MALRD1: variants seen among roughly 807,000 people sequenced by gnomAD.
MALRD1 encodes the protein MAM and LDL-receptor class A domain-containing protein 1.
MALRD1 carries 247 observed loss-of-function variants against 242.1 expected under a neutral mutation model. The ratio of observed to expected loss-of-function variants is 1.02; its 90% CI spans 0.92 to 1.13. MALRD1 has a LOEUF of 1.13. Ranked by LOEUF, MALRD1 falls within the 50% of genes most tolerant of loss-of-function variation. MALRD1 has a pLI of 0.00. For missense variants in MALRD1, 2,989 were observed against 2,533.1 expected, an observed-to-expected ratio of 1.18 and a Z score of -3.86; for synonymous variants, 995 against 866.6, an observed-to-expected ratio of 1.15 and a Z score of -2.60.
intron 2 of MALRD1, among the ~76,000 whole-genome samples, chr10:19,067,386 G>A (rs1403538301): frequency 4.6e-5 from 7 of 152,038 alleles, no homozygotes; most frequent in Admixed American, 1.3e-4. Context: ...ATTGCGTACC[G>A]GGTGTTTAAG....
intron 26 of MALRD1, among the ~76,000 whole-genome samples, chr10:19,360,550 A>G (rs891731337): frequency 1.3e-5 from 2 of 152,052 alleles, no homozygotes; most frequent in African/African-American, 4.8e-5. Flanking sequence ...TGATAACTAT[A>G]TTTTACCTAT....
intron 1 of MALRD1, among the ~76,000 whole-genome samples, chr10:19,066,014 A>G (rs1054694233): frequency 5.3e-5 from 8 of 152,072 alleles, no homozygotes; most frequent in Admixed American, 1.3e-4. Flanking sequence ...GGTACCTAAG[A>G]GTTGTAAGGT....
chr10:19,304,578 A>G (rs989693170), intron 21 of MALRD1, among the ~76,000 whole-genome samples: 1 of 151,794 alleles, frequency 6.6e-6, no homozygotes, highest in Non-Finnish European at 1.5e-5. Context: ...ATCAATGTCA[A>G]CAAAACATTC....
At chr10:19,368,271 T>TAAA (rs1845192483) in intron 26 of MALRD1, among the ~76,000 whole-genome samples, 1 of 152,082 alleles carries the variant, frequency 6.6e-6, no homozygotes, top group Non-Finnish European at 1.5e-5. Context: ...AAATTAGGTC[T>TAAA]TTGATCAATT....
chr10:19,334,626 T>G (rs765047306), intron 24 of MALRD1, among the ~76,000 whole-genome samples: 66 of 152,196 alleles, frequency 4.3e-4, no homozygotes, highest in Non-Finnish European at 6.2e-4. Context: ...TGACTATATA[T>G]TCCTTCAATT....
At chr10:19,148,773 T>TAAAAA (rs1174673634) in intron 11 of MALRD1, among the ~76,000 whole-genome samples, 65 of 114,422 alleles carry the variant, frequency 5.7e-4, no homozygotes, top group Non-Finnish European at 9.6e-4. Context: ...AAGGGCCAAT[T>TAAAAA]AAAAAAAAAA....
intron 29 of MALRD1, among the ~76,000 whole-genome samples, chr10:19,474,799 A>G (rs1241636366): frequency 3.3e-5 from 5 of 152,254 alleles, no homozygotes; most frequent in Non-Finnish European, 4.4e-5. Context: ...TCAACTTTAT[A>G]TATTTTATTT....
chr10:19,115,121 C>T (rs1836824528), intron 5 of MALRD1, among the ~76,000 whole-genome samples: 1 of 152,182 alleles, frequency 6.6e-6, no homozygotes, highest in Non-Finnish European at 1.5e-5. Context: ...GAAACAGCTT[C>T]TATGTTCTAG....
At position 19,378,425 on chromosome 10, in the gene MALRD1, G is replaced by C. The variant is rs755492707; in HGVS notation, c.4442-9103G>C. The stretch of plus-strand genomic sequence containing the variant: ...TCCAGATTCAGTCAGCATCTTTTTG[G>C]TGGCCATGGAAAGAAGTATTAATCT... On this transcript the variant is annotated intron_variant, in intron 26 of 39. Transcript: ENST00000454679. Among the ~76,000 whole-genome samples, 3 of 152,024 alleles carry C rather than the reference G, an allele frequency of 2.0e-5. No individual in the cohort carries two copies. The South Asian group carries it at 6.2e-4, about 32-fold the overall frequency.
chr10:19,675,467 G>T (rs545363792), intron 36 of MALRD1, among the ~76,000 whole-genome samples: 1 of 152,232 alleles, frequency 6.6e-6, no homozygotes, highest in South Asian at 2.1e-4. Context: ...CTCAAAGTGT[G>T]TACCCCAGAC....
intron 10 of MALRD1, among the ~76,000 whole-genome samples, chr10:19,139,953 A>G (rs77383755): frequency 0.021 from 3,204 of 152,304 alleles, 46 homozygotes; most frequent in Middle Eastern, 0.044. Context: ...AAAAATTGAT[A>G]AAAACTAAAG....
intron 36 of MALRD1, among the ~76,000 whole-genome samples, chr10:19,687,468 A>C (rs1272075425): frequency 6.6e-6 from 1 of 152,100 alleles, no homozygotes; most frequent in Non-Finnish European, 1.5e-5. Flanking sequence ...TGCCTAAAAT[A>C]TCCCCACTTG....
chr10:19,489,460 G>T, intron 29 of MALRD1: 1 of 581,874 alleles, frequency 1.7e-6, no homozygotes, highest in Non-Finnish European at 3.2e-6. Flanking sequence ...CAATCCAGGG[G>T]AATATTTTTA....
chr10:19,586,442 A>G (rs1837406746), intron 33 of MALRD1, among the ~76,000 whole-genome samples: 1 of 151,990 alleles, frequency 6.6e-6, no homozygotes, highest in Non-Finnish European at 1.5e-5. Flanking sequence ...TTTCCTTCTA[A>G]CGGACAGGAC....
At chr10:19,061,732 CA>C (rs1156395498) in intron 1 of MALRD1, among the ~76,000 whole-genome samples, 5 of 152,102 alleles carry the variant, frequency 3.3e-5, no homozygotes, top group Non-Finnish European at 7.3e-5. Context: ...TGGGTAGCCA[CA>C]AGCAAAATAA....
At chr10:19,625,219 C>T (rs544280778) in intron 36 of MALRD1, among the ~76,000 whole-genome samples, 3 of 152,228 alleles carry the variant, frequency 2.0e-5, no homozygotes, top group South Asian at 2.1e-4. Context: ...TCTGACTAGA[C>T]GGCTTATGAT....
intron 24 of MALRD1, among the ~76,000 whole-genome samples, chr10:19,338,051 A>T (rs1187041819): frequency 7.8e-6 from 1 of 127,404 alleles, no homozygotes; most frequent in Non-Finnish European, 1.7e-5. Flanking sequence ...ACAGAGCAAG[A>T]TTCTGTCTCA....
chr10:19,062,055 G>C (rs537943055), intron 1 of MALRD1, among the ~76,000 whole-genome samples: 1 of 149,886 alleles, frequency 6.7e-6, no homozygotes, highest in East Asian at 2.0e-4. Context: ...AATGTAAAAA[G>C]AACGACAGCT....
intron 36 of MALRD1, among the ~76,000 whole-genome samples, chr10:19,683,364 T>C (rs918335306): frequency 6.6e-6 from 1 of 152,204 alleles, no homozygotes; most frequent in African/African-American, 2.4e-5. Flanking sequence ...AGCTGAAGAT[T>C]GTGTAGCAAA....
Sources: gnomAD v4.1 joint callset for allele counts (sites outside exome capture counted in the v4.1 genomes callset) on GRCh38, gnomAD v4.1.1 for gene constraint, MANE v1.5 for transcripts, NCBI Gene and HGNC (gene_info 2026-07-23, HGNC 2026-07-21) for gene names.